Variants in TLL1 observed in about 807,000 individuals in gnomAD.
TLL1 encodes the protein tolloid-like protein 1.
Under a neutral mutation model 128.2 loss-of-function variants are expected in TLL1, and 49 were observed. The observed-to-expected ratio is 0.38, with a 90% CI of 0.30 to 0.48. TLL1 has a LOEUF of 0.48. TLL1 is among the 20% of genes least tolerant of loss of function. The pLI, the probability that TLL1 is intolerant of heterozygous loss-of-function variation, is 0.96. For synonymous variants in TLL1, 454 were observed against 418.8 expected (o/e 1.08, Z -1.03); for missense variants, 1,123 against 1,242.0 (o/e 0.90, Z 1.44).
At chr4:166,033,112 C>A (rs1030463768) in intron 9 of TLL1, among the ~76,000 whole-genome samples, 1 of 152,084 alleles carries the variant, frequency 6.6e-6, no homozygotes, top group Non-Finnish European at 1.5e-5. Flanking sequence ...AGATACGCAA[C>A]TCCTGAAAGT....
intron 1 of TLL1, among the ~76,000 whole-genome samples, chr4:165,983,019 G>A (rs1736223082): frequency 6.6e-6 from 1 of 151,772 alleles, no homozygotes; most frequent in African/African-American, 2.4e-5. Flanking sequence ...AGCAGTGTAA[G>A]AATGGAAGTT....
intron 1 of TLL1, among the ~76,000 whole-genome samples, chr4:165,934,397 T>A (rs950714366): frequency 5.3e-5 from 8 of 152,318 alleles, no homozygotes; most frequent in African/African-American, 4.8e-5. Context: ...ATGATGTTTT[T>A]AAATATTAAT....
In TLL1 at chr4:166,008,056, T is replaced by C; in HGVS notation, c.917+8T>C. On this transcript the variant is annotated splice_region_variant and intron_variant, in intron 7 of 20. Coordinates refer to ENST00000061240, the MANE Select transcript of TLL1 (RefSeq NM_012464.5). The stretch of plus-strand genomic sequence containing the variant: ...CAGGAACACCTTCTCAAGGTTGGAG[T>C]CTCAGGTTATACCTTTTGACTTTTA... 2 of 1,600,862 alleles carry C rather than the reference T, an allele frequency of 1.2e-6. No homozygotes were observed. Among genetic ancestry groups the C allele is most frequent in the South Asian group, 2.2e-5 (2 of 90,844 alleles).
intron 15 of TLL1, 104 bp downstream of exon 15, chr4:166,060,292 T>C (rs887425396): frequency 4.8e-6 from 6 of 1,261,146 alleles, no homozygotes; most frequent in Non-Finnish European, 5.6e-6. Flanking sequence ...AGTATAGACA[T>C]TGTATTCTTT....
At position 165,887,021 on chromosome 4, in the gene TLL1, C is replaced by A. The variant is rs17047044; in HGVS notation, c.169+12948C>A. Among the ~76,000 whole-genome samples, 393 of 152,162 alleles carry A rather than the reference C, an allele frequency of 2.6e-3. 3 individuals are homozygous for A. The highest frequency in any genetic ancestry group is 8.9e-3 in the African/African-American group (371 of 41,502). The stretch of plus-strand genomic sequence containing the variant: ...AATTTTATGAAAATACAGGAAGTGG[C>A]AAATGGTCTAACATGGACAGAGCAA... On this transcript the variant is annotated intron_variant, in intron 1 of 20. Coordinates refer to ENST00000061240, the MANE Select transcript of TLL1 (RefSeq NM_012464.5).
At chr4:166,004,949 CG>C (rs538455668) in intron 6 of TLL1, among the ~76,000 whole-genome samples, 2 of 150,578 alleles carry the variant, frequency 1.3e-5, no homozygotes, top group Non-Finnish European at 3.0e-5. Context: ...TGGGTGGTGG[CG>C]GGGGGGTGCC....
At chr4:166,068,155 G>A (rs1223642925) in intron 16 of TLL1, among the ~76,000 whole-genome samples, 1 of 151,702 alleles carries the variant, frequency 6.6e-6, no homozygotes, top group Non-Finnish European at 1.5e-5. Context: ...TGAGTGATTA[G>A]ATCTATTTCA....
chr4:165,896,822 C>T lies in TLL1; in HGVS notation c.169+22749C>T, dbSNP rs1428318987. The stretch of plus-strand genomic sequence containing the variant: ...CTGGTTCTAGATCCTTGATGAATCG[C>T]CACACTGTCTTTCACAATGGTTGAA... On this transcript the variant is annotated intron_variant, in intron 1 of 20. Transcript: ENST00000061240. Among the ~76,000 whole-genome samples the T allele has an allele frequency of 1.8e-4, 27 of 152,100 alleles. 1 individual carries two copies. Among genetic ancestry groups the T allele is most frequent in the Admixed American group, 1.8e-3 (27 of 15,242 alleles).
chr4:166,011,303 CTCT>C (rs557619335), intron 7 of TLL1, among the ~76,000 whole-genome samples: 99 of 151,422 alleles, frequency 6.5e-4, no homozygotes, highest in African/African-American at 1.5e-3. Context: ...GGATCTTTGT[CTCT>C]TCTTTAATTT....
At chr4:165,902,292 GA>G (rs34829825) in intron 1 of TLL1, among the ~76,000 whole-genome samples, 2 of 148,046 alleles carry the variant, frequency 1.4e-5, no homozygotes, top group African/African-American at 2.5e-5. Context: ...ACCAGGTTAT[GA>G]AAAAAAAACA....
chr4:165,968,937 G>A (rs1735515483), intron 1 of TLL1, among the ~76,000 whole-genome samples: 1 of 152,084 alleles, frequency 6.6e-6, no homozygotes, highest in South Asian at 2.1e-4. Flanking sequence ...AAGAAAGAAT[G>A]TAAATGTGTA....
chr4:166,063,934 G>T (rs6823990), intron 15 of TLL1, among the ~76,000 whole-genome samples: 2 of 151,440 alleles, frequency 1.3e-5, no homozygotes, highest in Non-Finnish European at 2.9e-5. Context: ...AACATGGCAC[G>T]TGTATACGTA....
intron 1 of TLL1, among the ~76,000 whole-genome samples, chr4:165,956,727 C>T (rs1023694176): frequency 3.3e-5 from 5 of 152,084 alleles, no homozygotes; most frequent in East Asian, 3.9e-4. Flanking sequence ...CCTCAGCTTA[C>T]AAAGATATCA....
intron 9 of TLL1, among the ~76,000 whole-genome samples, chr4:166,028,009 A>G (rs1402456231): frequency 6.6e-6 from 1 of 152,096 alleles, no homozygotes; most frequent in Non-Finnish European, 1.5e-5. Flanking sequence ...GGAGTGTTAT[A>G]AGAAGCCAGT....
intron 13 of TLL1, among the ~76,000 whole-genome samples, chr4:166,056,381 AATATTAT>A (rs1396671402): frequency 6.6e-6 from 1 of 151,452 alleles, no homozygotes; most frequent in African/African-American, 2.4e-5. Context: ...CATTTTAAAA[AATATTAT>A]ATATTGTATA....
chr4:165,891,681 A>G (rs940599358), intron 1 of TLL1, among the ~76,000 whole-genome samples: 1 of 152,316 alleles, frequency 6.6e-6, no homozygotes, highest in Admixed American at 6.5e-5. Context: ...TTCATTGTCC[A>G]TATGGCTATC....
intron 1 of TLL1, among the ~76,000 whole-genome samples, chr4:165,890,733 G>A (rs1031018851): frequency 6.6e-6 from 1 of 152,208 alleles, no homozygotes; most frequent in Non-Finnish European, 1.5e-5. Context: ...CTGGCATTGA[G>A]TGTCTGCACC....
intron 8 of TLL1, among the ~76,000 whole-genome samples, chr4:166,021,429 T>C (rs1391913525): frequency 2.1e-5 from 3 of 145,590 alleles, no homozygotes; most frequent in Non-Finnish European, 4.5e-5. Flanking sequence ...CTATTATTTT[T>C]GCCTTTTTTT....
intron 8 of TLL1, 138 bp downstream of exon 8, chr4:166,014,698 A>G: frequency 7.5e-7 from 1 of 1,342,236 alleles, no homozygotes; most frequent in Non-Finnish European, 1.0e-6. Context: ...GTCAGTAATC[A>G]TAAAATGAGG....
Sources: allele counts gnomAD v4.1 joint callset (sites outside exome capture counted in the v4.1 genomes callset), GRCh38; gene constraint gnomAD v4.1.1; transcripts MANE v1.5; gene names NCBI Gene and HGNC (gene_info 2026-07-23, HGNC 2026-07-21).